Variants in CORO1C observed in about 807,000 individuals in gnomAD.
CORO1C encodes the protein coronin-1C.
Under a neutral mutation model 51.2 loss-of-function variants are expected in CORO1C, and 14 were observed. That is an observed-to-expected ratio of 0.27 (90% CI 0.18 to 0.43). The LOEUF (loss-of-function observed/expected upper bound fraction) is 0.43, where lower values mean the gene tolerates loss of function less well. Ranked by LOEUF, CORO1C falls within the 20% of genes least tolerant of loss-of-function variation. The probability of loss-of-function intolerance (pLI) is 1.00; values close to 1 mark genes in which losing one functional copy is unlikely to be tolerated. For missense variants in CORO1C, 417 were observed against 607.8 expected (o/e 0.69, Z 3.30); for synonymous variants, 181 against 210.5 (o/e 0.86, Z 1.21).
intron 8 of CORO1C, chr12:108,649,722 A>G (rs1334179323): frequency 1.3e-5 from 2 of 152,322 alleles, no homozygotes; most frequent in Non-Finnish European, 2.9e-5. Flanking sequence ...TGACCCTGAT[A>G]AGGTCAAGCC....
intron 7 of CORO1C, among the ~76,000 whole-genome samples, 182 bp from the exon 8 acceptor site, chr12:108,652,599 C>A (rs1214969167): frequency 6.6e-6 from 1 of 152,136 alleles, no homozygotes; most frequent in East Asian, 1.9e-4. Context: ...ACAAAGTAAC[C>A]CCTTACTTAT....
chr12:108,723,218 C>T (rs139158619), intron 1 of CORO1C, among the ~76,000 whole-genome samples: 1 of 152,190 alleles, frequency 6.6e-6, no homozygotes, highest in Non-Finnish European at 1.5e-5. Context: ...GAGATGACAG[C>T]GCACTTTCAC....
At chr12:108,726,199 T>C (rs1277004020) in intron 1 of CORO1C, among the ~76,000 whole-genome samples, 4 of 152,068 alleles carry the variant, frequency 2.6e-5, no homozygotes, top group Non-Finnish European at 5.9e-5. Context: ...GGGCGGATTA[T>C]GAGGTCAGGA....
chr12:108,648,873 G>A lies in CORO1C; in HGVS notation c.1060-23C>T, dbSNP rs182672976. ...AGACTACAAGAGACATTTGGCACCC[G>A]TGGGTAAGGAAGAAGAAAGGCCTGG... On this transcript the variant is annotated intron_variant, in intron 9 of 10. Coordinates refer to ENST00000261401, the MANE Select transcript of CORO1C (RefSeq NM_014325.4). 3,123 of 1,613,870 alleles carry A rather than the reference G, an allele frequency of 1.9e-3. 5 individuals carry two copies. Among genetic ancestry groups the A allele is most frequent in the Non-Finnish European group, 2.4e-3 (2,775 of 1,179,912 alleles).
chr12:108,728,716 C>T (rs1592960628), intron 1 of CORO1C, among the ~76,000 whole-genome samples: 1 of 152,102 alleles, frequency 6.6e-6, no homozygotes, highest in South Asian at 2.1e-4. Flanking sequence ...TGAACTAGGG[C>T]AAAGAAAACC....
intron 6 of CORO1C, among the ~76,000 whole-genome samples, chr12:108,655,373 CCCCTCT>C (rs1319547042): frequency 1.3e-5 from 2 of 149,252 alleles, no homozygotes; most frequent in East Asian, 2.0e-4. Flanking sequence ...CCTCCCCCTC[CCCCTCT>C]CCCTCTCCCC....
intron 1 of CORO1C, chr12:108,702,862 G>A (rs1018734166): frequency 2.1e-5 from 33 of 1,535,660 alleles, no homozygotes; most frequent in Non-Finnish European, 2.5e-5. Flanking sequence ...GCTGAAGTAA[G>A]AGACCCTTGG....
At chr12:108,699,188 T>C (rs1317577223) in intron 2 of CORO1C, among the ~76,000 whole-genome samples, 1 of 152,192 alleles carries the variant, frequency 6.6e-6, no homozygotes, top group Non-Finnish European at 1.5e-5. Flanking sequence ...CAAGGACACA[T>C]TCATTAAGTG....
chr12:108,691,728 C>T (rs1824977181), intron 2 of CORO1C, among the ~76,000 whole-genome samples: 1 of 152,188 alleles, frequency 6.6e-6, no homozygotes. Flanking sequence ...AAACCACTGT[C>T]AGAGCCCTGT....
intron 8 of CORO1C, 78 bp from the exon 9 acceptor site, chr12:108,649,098 A>T: frequency 6.6e-7 from 1 of 1,521,154 alleles, no homozygotes; most frequent in Non-Finnish European, 9.1e-7. Context: ...TTAGTTTTCT[A>T]CAATGCTGTC....
chr12:108,711,459 C>T (rs957770178), intron 1 of CORO1C, among the ~76,000 whole-genome samples: 2 of 151,892 alleles, frequency 1.3e-5, no homozygotes, highest in Non-Finnish European at 2.9e-5. Flanking sequence ...ACAAGTGGAT[C>T]GCCTGAGGTC....
intron 5 of CORO1C, among the ~76,000 whole-genome samples, chr12:108,657,695 A>G (rs771028691): frequency 1.3e-5 from 2 of 152,234 alleles, no homozygotes; most frequent in Admixed American, 6.5e-5. Flanking sequence ...ACCCAAGTCT[A>G]TGCACTGTGA....
intron 2 of CORO1C, among the ~76,000 whole-genome samples, chr12:108,693,019 A>C (rs895233933): frequency 6.6e-6 from 1 of 152,044 alleles, no homozygotes; most frequent in African/African-American, 2.4e-5. Context: ...GCTGGTCTCA[A>C]ACTGCTGACC....
At chr12:108,715,859 CG>C (rs1338269339) in intron 1 of CORO1C, among the ~76,000 whole-genome samples, 4 of 151,808 alleles carry the variant, frequency 2.6e-5, no homozygotes, top group Non-Finnish European at 4.4e-5. Flanking sequence ...TGAGGCCGGG[CG>C]GGGTGGCTCA....
chr12:108,693,343 C>G (rs1199520582), intron 2 of CORO1C, among the ~76,000 whole-genome samples: 2 of 152,148 alleles, frequency 1.3e-5, no homozygotes, highest in Non-Finnish European at 2.9e-5. Flanking sequence ...AGGGGACTAT[C>G]CACGTACGAT....
At chr12:108,729,659 A>G (rs780895165) in intron 1 of CORO1C, among the ~76,000 whole-genome samples, 2 of 152,224 alleles carry the variant, frequency 1.3e-5, no homozygotes, top group Non-Finnish European at 2.9e-5. Context: ...ATTATGCTTC[A>G]TAGCCAAACA....
intron 1 of CORO1C, among the ~76,000 whole-genome samples, chr12:108,714,374 G>A (rs978397645): frequency 6.9e-6 from 1 of 145,836 alleles, no homozygotes; most frequent in Admixed American, 6.9e-5. Flanking sequence ...CCTGCAGCCT[G>A]GCAACAGAGC....
chr12:108,716,513 A>C (rs1042525067), intron 1 of CORO1C, among the ~76,000 whole-genome samples: 1 of 152,178 alleles, frequency 6.6e-6, no homozygotes. Context: ...CGGAGATTAA[A>C]TGGATTAAAT....
chr12:108,683,807 GGT>G (rs2034206765), intron 2 of CORO1C, among the ~76,000 whole-genome samples: 1 of 152,102 alleles, frequency 6.6e-6, no homozygotes, highest in Non-Finnish European at 1.5e-5. Flanking sequence ...TGGTTTTACA[GGT>G]GAGTGTCACC....
Sources: gnomAD v4.1 joint callset for allele counts (sites outside exome capture counted in the v4.1 genomes callset) on GRCh38, gnomAD v4.1.1 for gene constraint, MANE v1.5 for transcripts, NCBI Gene and HGNC (gene_info 2026-07-23, HGNC 2026-07-21) for gene names.